Variants in SORCS1 observed in about 807,000 individuals in gnomAD.
SORCS1 encodes VPS10 domain-containing receptor SorCS1.
In SORCS1, 60 loss-of-function variants were observed where a neutral mutation model predicts 146.1. That is an observed-to-expected ratio of 0.41 (90% confidence interval 0.33 to 0.51). SORCS1 has a LOEUF of 0.51. Ranked by LOEUF, SORCS1 falls within the 20% of genes least tolerant of loss-of-function variation. The probability of loss-of-function intolerance (pLI) is 0.21; values close to 1 mark genes in which losing one functional copy is unlikely to be tolerated. For missense variants in SORCS1, 1,352 were observed against 1,487.6 expected, an observed-to-expected ratio of 0.91 and a Z score of 1.50; for synonymous variants, 637 against 584.0, an observed-to-expected ratio of 1.09 and a Z score of -1.31.
chr10:106,722,191 A>G (rs1855835543), intron 6 of SORCS1, among the ~76,000 whole-genome samples: 1 of 151,908 alleles, frequency 6.6e-6, no homozygotes, highest in African/African-American at 2.4e-5. Context: ...ATATATATAT[A>G]TACCTTTTTA....
chr10:106,820,012 G>A (rs1000779136), intron 3 of SORCS1, among the ~76,000 whole-genome samples: 2 of 151,870 alleles, frequency 1.3e-5, no homozygotes, highest in Admixed American at 6.6e-5. Context: ...CTTCTCTCTC[G>A]GCTTTACCTC....
At chr10:106,722,741 T>C (rs187479622) in intron 6 of SORCS1, among the ~76,000 whole-genome samples, 4 of 152,198 alleles carry the variant, frequency 2.6e-5, no homozygotes, top group Admixed American at 1.3e-4. Context: ...ATTTCAGAAG[T>C]AAAAGGGAGA....
intron 1 of SORCS1, among the ~76,000 whole-genome samples, chr10:106,992,566 C>T (rs1402085228): frequency 7.2e-5 from 11 of 151,990 alleles, no homozygotes; most frequent in Non-Finnish European, 1.5e-4. Flanking sequence ...ACAATCACAG[C>T]TCACTGCAGC....
chr10:107,108,447 G>C (rs1304531696), intron 1 of SORCS1, among the ~76,000 whole-genome samples: 1 of 152,070 alleles, frequency 6.6e-6, no homozygotes, highest in Non-Finnish European at 1.5e-5. Flanking sequence ...GCAAACAAGA[G>C]AGTAGTGGTG....
intron 14 of SORCS1, among the ~76,000 whole-genome samples, chr10:106,674,345 A>AAAAAAAAAAAAC (rs1851860675): frequency 7.1e-6 from 1 of 141,652 alleles, no homozygotes; most frequent in African/African-American, 2.5e-5. Flanking sequence ...AAAAAAAAAA[A>AAAAAAAAAAAAC]AAAAAAAAAA....
intron 3 of SORCS1, among the ~76,000 whole-genome samples, chr10:106,779,068 A>C (rs1202053076): frequency 6.7e-6 from 1 of 149,722 alleles, no homozygotes; most frequent in Non-Finnish European, 1.5e-5. Flanking sequence ...TTCCCAACAG[A>C]TGGAAACTTA....
chr10:106,602,536 C>CACAG (rs1554875439), intron 23 of SORCS1, among the ~76,000 whole-genome samples: 14 of 151,176 alleles, frequency 9.3e-5, no homozygotes, highest in African/African-American at 1.5e-4. Flanking sequence ...CACACACACA[C>CACAG]ACACACACAC....
At chr10:106,861,416 AAG>A (rs1322846651) in intron 2 of SORCS1, among the ~76,000 whole-genome samples, 10 of 143,070 alleles carry the variant, frequency 7.0e-5, no homozygotes, top group African/African-American at 2.0e-4. Flanking sequence ...AAAAAAAAAA[AAG>A]AATATGCGAA....
chr10:107,154,523 A>G (rs892757029), intron 1 of SORCS1, among the ~76,000 whole-genome samples: 3 of 152,246 alleles, frequency 2.0e-5, no homozygotes, highest in African/African-American at 7.2e-5. Flanking sequence ...AACACATGAA[A>G]AAAAAACACT....
chr10:106,674,552 A>T (rs550189087), intron 14 of SORCS1, among the ~76,000 whole-genome samples: 7 of 152,216 alleles, frequency 4.6e-5, no homozygotes, highest in Admixed American at 3.3e-4. Context: ...CAGCGTCATT[A>T]ATCTTTCACA....
At chr10:106,951,200 A>G (rs1954657721) in intron 2 of SORCS1, among the ~76,000 whole-genome samples, 1 of 152,110 alleles carries the variant, frequency 6.6e-6, no homozygotes, top group East Asian at 1.9e-4. Context: ...CTGTCCACAG[A>G]TCTTTGTCCC....
At chr10:106,874,725 G>T (rs1355841089) in intron 2 of SORCS1, among the ~76,000 whole-genome samples, 1 of 152,192 alleles carries the variant, frequency 6.6e-6, no homozygotes, top group East Asian at 1.9e-4. Flanking sequence ...ATGCCTTTAA[G>T]ATGTATTAGA....
intron 1 of SORCS1, among the ~76,000 whole-genome samples, chr10:107,042,284 A>G (rs942650296): frequency 1.3e-5 from 2 of 152,234 alleles, no homozygotes; most frequent in African/African-American, 4.8e-5. Context: ...AGAACTATGG[A>G]ATGACAATAA....
chr10:106,851,693 A>G (rs1354393425), intron 2 of SORCS1, among the ~76,000 whole-genome samples: 3 of 152,226 alleles, frequency 2.0e-5, no homozygotes, highest in Non-Finnish European at 4.4e-5. Context: ...TGGGTCTCCT[A>G]CATCTCCATA....
intron 1 of SORCS1, among the ~76,000 whole-genome samples, chr10:107,058,038 A>T (rs972120381): frequency 3.3e-5 from 5 of 151,712 alleles, no homozygotes; most frequent in East Asian, 1.9e-4. Flanking sequence ...TTTTAAAAAA[A>T]ATTTTTTTTT....
At chr10:106,598,958 A>T (rs1846071034) in intron 23 of SORCS1, among the ~76,000 whole-genome samples, 1 of 152,236 alleles carries the variant, frequency 6.6e-6, no homozygotes. Context: ...AAATGCTGTC[A>T]TTTAGCAAAC....
chr10:107,018,554 T>C (rs1178294614), intron 1 of SORCS1, among the ~76,000 whole-genome samples: 3 of 152,176 alleles, frequency 2.0e-5, no homozygotes, highest in Non-Finnish European at 4.4e-5. Context: ...TGAGTTTTCA[T>C]TGCTGAAGGC....
At chr10:106,757,604 G>C (rs1858747169) in intron 5 of SORCS1, among the ~76,000 whole-genome samples, 1 of 152,148 alleles carries the variant, frequency 6.6e-6, no homozygotes. Context: ...TGCAATTTAC[G>C]AGTTCCCATG....
intron 2 of SORCS1, among the ~76,000 whole-genome samples, chr10:106,849,066 G>T (rs975626972): frequency 2.0e-5 from 3 of 146,800 alleles, no homozygotes; most frequent in Admixed American, 1.4e-4. Flanking sequence ...TATGTGTCTT[G>T]GAGTTGCTCT....
Sources: gnomAD v4.1 joint callset for allele counts (sites outside exome capture counted in the v4.1 genomes callset) on GRCh38, gnomAD v4.1.1 for gene constraint, MANE v1.5 for transcripts, NCBI Gene and HGNC (gene_info 2026-07-23, HGNC 2026-07-21) for gene names.